SESTD1: variants seen among roughly 807,000 people sequenced by gnomAD.
The protein encoded by SESTD1 is SEC14 and spectrin domain containing 1.
Under a neutral mutation model 101.7 loss-of-function variants are expected in SESTD1, and 43 were observed. The observed-to-expected ratio is 0.42, with a 90% CI of 0.33 to 0.55. The LOEUF (loss-of-function observed/expected upper bound fraction) is 0.55. Among genes scored for constraint, SESTD1 ranks in the 20% least tolerant of loss-of-function variants. SESTD1 has a pLI of 0.07. For missense variants in SESTD1, 647 were observed against 815.1 expected (o/e 0.79, Z 2.51); for synonymous variants, 283 against 286.8 (o/e 0.99, Z 0.13).
chr2:179,259,614 T>C (rs565137278), intron 1 of SESTD1, among the ~76,000 whole-genome samples: 38 of 152,186 alleles, frequency 2.5e-4, no homozygotes, highest in African/African-American at 7.2e-4. Flanking sequence ...CTAATAAACA[T>C]AGGACAGAAC....
In SESTD1 at chr2:179,135,856, TTGGCTAAACACTGTTTACACAGC is replaced by T. The variant is rs2045131757; in HGVS notation, c.850-3453_850-3431del. Reference sequence around the variant, plus strand: ...ACAGCCTAAGTGCTATAACTTTCTATTGGCTAAACACTGTTTACACAGCGCTAAGTTCATTTTCAAAACTGTAT... The same window carrying T: ...ACAGCCTAAGTGCTATAACTTTCTATGCTAAGTTCATTTTCAAAACTGTAT... On this transcript the variant is annotated intron_variant, in intron 9 of 17. Transcript: ENST00000428443. Among the ~76,000 whole-genome samples the T allele has an allele frequency of 2.0e-5, 3 of 152,176 alleles. No individual in the cohort carries two copies. The South Asian group carries it at 6.2e-4, about 32-fold the overall frequency.
Position 179,149,416 on chromosome 2 carries a change from C to T in SESTD1, c.484-22G>A, listed in dbSNP as rs993558132. The T allele has an allele frequency of 4.7e-6, 7 of 1,478,426 alleles. No individual in the cohort carries two copies. The Admixed American group carries it at 5.7e-5, about 12-fold the overall frequency. The allele number at this position is 1,478,426 out of a possible 1,614,324, so 91.6% of individuals were successfully genotyped here. Reference sequence around the variant, plus strand: ...AAACCTACAATATGAGTTTTATTAACATACTAAGAACAGTCTTAAAAATTA... The same window carrying T: ...AAACCTACAATATGAGTTTTATTAATATACTAAGAACAGTCTTAAAAATTA... On this transcript the variant is annotated intron_variant, in intron 6 of 17. Transcript: ENST00000428443.
chr2:179,185,767 T>A (rs1335901334), intron 2 of SESTD1, among the ~76,000 whole-genome samples: 2 of 127,762 alleles, frequency 1.6e-5, no homozygotes, highest in Non-Finnish European at 3.1e-5. Context: ...CAATATATAA[T>A]ATAGCATATA....
chr2:179,247,310 A>G (rs1415570098), intron 1 of SESTD1, among the ~76,000 whole-genome samples: 2 of 151,958 alleles, frequency 1.3e-5, no homozygotes, highest in Non-Finnish European at 2.9e-5. Flanking sequence ...TATGAGGGAT[A>G]AGCATATTAA....
chr2:179,236,411 C>T (rs1284730621), intron 1 of SESTD1, among the ~76,000 whole-genome samples: 1 of 150,780 alleles, frequency 6.6e-6, no homozygotes, highest in Non-Finnish European at 1.5e-5. Context: ...GTGGGAGGAC[C>T]ACTTGAGCCC....
At chr2:179,199,373 G>A (rs2046464122) in intron 1 of SESTD1, among the ~76,000 whole-genome samples, 1 of 152,072 alleles carries the variant, frequency 6.6e-6, no homozygotes, top group Non-Finnish European at 1.5e-5. Context: ...TTCTACCAGA[G>A]GTACAAGGAG....
intron 8 of SESTD1, among the ~76,000 whole-genome samples, chr2:179,145,612 T>TATA (rs2045378093): frequency 6.6e-6 from 1 of 152,258 alleles, no homozygotes; most frequent in African/African-American, 2.4e-5. Context: ...TGGGTTGGAA[T>TATA]ATACATATCA....
chr2:179,120,920 C>G (rs1466121508), intron 13 of SESTD1, among the ~76,000 whole-genome samples: 1 of 152,090 alleles, frequency 6.6e-6, no homozygotes, highest in Non-Finnish European at 1.5e-5. Context: ...TAAGTGAGGG[C>G]AGGAACCAGA....
intron 15 of SESTD1, 81 bp from the exon 16 acceptor site, chr2:179,115,337 G>T: frequency 1.8e-6 from 2 of 1,116,406 alleles, no homozygotes; most frequent in Non-Finnish European, 2.5e-6. Flanking sequence ...GAAGATTGTC[G>T]TTACAGTTAA....
rs535768303 is a variant in SESTD1, at chr2:179,212,674, C to A, written c.-25-20808G>T. On this transcript the variant is annotated intron_variant, in intron 1 of 17. Transcript: ENST00000428443. ...ATGGCGTTTGAGCTCTGAGAATGGA[C>A]AGATTGCCTCTTCAAGTGGGTCCCT... is the stretch of plus-strand genomic sequence containing the variant. Among the ~76,000 whole-genome samples, 35 of 135,594 alleles carry A rather than the reference C, an allele frequency of 2.6e-4. 5 individuals carry two copies. Among genetic ancestry groups the A allele is most frequent in the Non-Finnish European group, 4.5e-4 (28 of 62,848 alleles). The allele number at this position is 135,594 out of a possible 152,430, so 89.0% of individuals were successfully genotyped here. A position where few individuals can be genotyped will look rare whatever the true frequency, so the allele number is the denominator to read the frequency against.
intron 5 of SESTD1, among the ~76,000 whole-genome samples, chr2:179,170,381 CA>C (rs996578942): frequency 2.6e-5 from 4 of 151,942 alleles, no homozygotes; most frequent in African/African-American, 9.7e-5. Context: ...AATCCAGTAA[CA>C]AAAAAGACCT....
Position 179,124,368 on chromosome 2 carries a change from T to C in SESTD1, c.1163A>G (p.Gln388Arg). 1 of 1,613,516 alleles carries C rather than the reference T, an allele frequency of 6.2e-7. No homozygotes were observed. The highest frequency in any genetic ancestry group is 8.5e-7 in the Non-Finnish European group (1 of 1,179,598). ...AGAATCAGAATAGACACTTACATCT[T>C]GGGCAACACCATGAAATTCAAGAGC... ...QAALEFHGVAQDLSQQLDGLL... is the reference protein window; with the variant it reads ...QAALEFHGVARDLSQQLDGLL... Residue 388 changes from glutamine to arginine, a missense_variant, in exon 11 of 18, where the codon CAA becomes CGA. Gln to Arg is a conservative substitution (Grantham distance 43). Around this residue, in one of 3 missense-constraint regions of SESTD1, gnomAD observed 476 missense variants for 562.6 expected, o/e 0.85. Transcript: ENST00000428443.
In SESTD1 at chr2:179,246,491, TTCTC is replaced by T. The variant is rs1046697729; in HGVS notation, c.-26+18004_-26+18007del. ...ATCTCTTCAGTATCTCTCGCTCTCT[TTCTC>T]TCTCTCTCAAGTGTTTATCACACAA... On this transcript the variant is annotated intron_variant, in intron 1 of 17. Transcript: ENST00000428443. Among the ~76,000 whole-genome samples the T allele has an allele frequency of 4.1e-4, 63 of 152,110 alleles. 1 individual carries two copies. The highest frequency in any genetic ancestry group is 1.3e-3 in the African/African-American group (56 of 41,496).
At chr2:179,131,623 C>G (rs972603007) in intron 10 of SESTD1, among the ~76,000 whole-genome samples, 1 of 152,094 alleles carries the variant, frequency 6.6e-6, no homozygotes, top group African/African-American at 2.4e-5. Flanking sequence ...CGTCCACAAA[C>G]TGGATGATCT....
At position 179,105,932 on chromosome 2, in the gene SESTD1, C is replaced by T. The variant is rs1287999468; in HGVS notation, c.*3967G>A. 1.3e-5 allele frequency: 2 copies of T among 152,154 alleles called. No homozygotes were observed. The highest frequency in any genetic ancestry group is 2.9e-5 in the Non-Finnish European group (2 of 68,018). The allele number at this position is 152,154 out of a possible 1,614,324, so 9.4% of individuals were successfully genotyped here. ...CCATTATTTATGCTTCTTAGCTAAA[C>T]CTAGACTTTTCAGTAGCATGTATGA... is the stretch of plus-strand genomic sequence containing the variant. On this transcript the variant is annotated 3_prime_UTR_variant, in exon 18 of 18. Coordinates refer to ENST00000428443, the MANE Select transcript of SESTD1 (RefSeq NM_178123.5).
intron 1 of SESTD1, among the ~76,000 whole-genome samples, chr2:179,205,509 A>G (rs952611622): frequency 2.2e-5 from 3 of 135,176 alleles, no homozygotes; most frequent in Non-Finnish European, 4.8e-5. Context: ...TTCTCGGTCT[A>G]GATTTACTTT....
intron 5 of SESTD1, among the ~76,000 whole-genome samples, chr2:179,164,961 C>T (rs1054785585): frequency 1.3e-5 from 2 of 152,292 alleles, no homozygotes; most frequent in Admixed American, 1.3e-4. Flanking sequence ...TATTTACAAA[C>T]ACAGGCTTAA....
Position 179,249,871 on chromosome 2 carries a change from G to C in SESTD1, c.-26+14628C>G, listed in dbSNP as rs935269266. ...TGCCTTTCCTACAAATGGTGGTAGAGCAACTGAATATCCACAGGCAAAAAA... is the reference window on the plus strand; with the variant it reads ...TGCCTTTCCTACAAATGGTGGTAGACCAACTGAATATCCACAGGCAAAAAA... On this transcript the variant is annotated intron_variant, in intron 1 of 17. Coordinates refer to ENST00000428443, the MANE Select transcript of SESTD1 (RefSeq NM_178123.5). Among the ~76,000 whole-genome samples the C allele has an allele frequency of 9.1e-4, 131 of 143,532 alleles. 2 individuals carry two copies. The highest frequency in any genetic ancestry group is 7.5e-5 in the Non-Finnish European group (5 of 66,680). 94.2% of individuals were successfully genotyped at this position (143,532 alleles called of 152,430 possible). A position where few individuals can be genotyped will look rare whatever the true frequency, so the allele number is the denominator to read the frequency against.
At chr2:179,199,086 G>A (rs1380265265) in intron 1 of SESTD1, among the ~76,000 whole-genome samples, 1 of 151,944 alleles carries the variant, frequency 6.6e-6, no homozygotes, top group East Asian at 1.9e-4. Flanking sequence ...AAAGAGAGAA[G>A]AATCAAATAG....
Sources: allele counts gnomAD v4.1 joint callset (sites outside exome capture counted in the v4.1 genomes callset), GRCh38; gene constraint gnomAD v4.1.1; regional missense constraint gnomAD v4.1.1; transcripts MANE v1.5; gene names NCBI Gene and HGNC (gene_info 2026-07-23, HGNC 2026-07-21).